EXOC6B: variants seen among roughly 807,000 people sequenced by gnomAD.
EXOC6B encodes SEC15 homolog B.
In EXOC6B, 54 loss-of-function variants were observed where a neutral mutation model predicts 113.5. The ratio of observed to expected loss-of-function variants is 0.48; its 90% CI spans 0.38 to 0.60. The LOEUF (loss-of-function observed/expected upper bound fraction) is 0.60. Among genes scored for constraint, EXOC6B ranks in the 20% least tolerant of loss-of-function variants. The pLI is 0.00. For missense variants in EXOC6B, 797 were observed against 977.5 expected (o/e 0.82, Z 2.46); for synonymous variants, 357 against 339.0 (o/e 1.05, Z -0.58).
intron 20 of EXOC6B, among the ~76,000 whole-genome samples, chr2:72,236,527 T>A (rs745395181): frequency 6.6e-6 from 1 of 152,072 alleles, no homozygotes; most frequent in Non-Finnish European, 1.5e-5. Context: ...ACCAATAAAT[T>A]CAAGTAATTT....
chr2:72,813,111 AC>A (rs1342905395), intron 1 of EXOC6B, among the ~76,000 whole-genome samples: 1 of 152,174 alleles, frequency 6.6e-6, no homozygotes, highest in Non-Finnish European at 1.5e-5. Flanking sequence ...TATTTCAGAG[AC>A]AGGATGCCAC....
intron 18 of EXOC6B, among the ~76,000 whole-genome samples, chr2:72,421,065 C>T (rs972129729): frequency 1.3e-5 from 2 of 152,144 alleles, no homozygotes; most frequent in African/African-American, 4.8e-5. Flanking sequence ...ATATCCTTTG[C>T]CCACTTTTTG....
chr2:72,313,009 C>A (rs543569787), intron 20 of EXOC6B, among the ~76,000 whole-genome samples: 1 of 151,960 alleles, frequency 6.6e-6, no homozygotes, highest in Non-Finnish European at 1.5e-5. Flanking sequence ...TAAATTGATG[C>A]CGATTTCTCA....
intron 16 of EXOC6B, among the ~76,000 whole-genome samples, chr2:72,487,858 C>A (rs1467774160): frequency 6.6e-6 from 1 of 152,174 alleles, no homozygotes; most frequent in Non-Finnish European, 1.5e-5. Flanking sequence ...TAACCTGGAA[C>A]ACTTGAGCAA....
chr2:72,467,874 G>A (rs1405622813), intron 17 of EXOC6B, among the ~76,000 whole-genome samples: 9 of 151,974 alleles, frequency 5.9e-5, no homozygotes, highest in South Asian at 2.1e-4. Context: ...AGGTTCAAGC[G>A]ATTCTCCTGC....
At chr2:72,491,748 C>T (rs1163107460) in intron 16 of EXOC6B, among the ~76,000 whole-genome samples, 1 of 152,130 alleles carries the variant, frequency 6.6e-6, no homozygotes, top group African/African-American at 2.4e-5. Flanking sequence ...TAAACCTCCA[C>T]AGAAATGTGA....
At chr2:72,335,499 T>G (rs1688642082) in intron 19 of EXOC6B, among the ~76,000 whole-genome samples, 1 of 151,176 alleles carries the variant, frequency 6.6e-6, no homozygotes, top group Non-Finnish European at 1.5e-5. Flanking sequence ...TGCTACATCA[T>G]TAATTATTCC....
chr2:72,804,952 C>T (rs1685499533), intron 1 of EXOC6B, among the ~76,000 whole-genome samples: 1 of 152,100 alleles, frequency 6.6e-6, no homozygotes, highest in South Asian at 2.1e-4. Context: ...CATGATTGCC[C>T]TTAGAGATTA....
chr2:72,423,987 G>C (rs1298881850), intron 18 of EXOC6B, among the ~76,000 whole-genome samples: 1 of 152,138 alleles, frequency 6.6e-6, no homozygotes, highest in Non-Finnish European at 1.5e-5. Flanking sequence ...CTGTTGAATT[G>C]CATTTGCTAC....
intron 20 of EXOC6B, among the ~76,000 whole-genome samples, chr2:72,310,850 A>AACACACAC (rs375159478): frequency 8.6e-4 from 104 of 120,346 alleles, no homozygotes; most frequent in Non-Finnish European, 1.2e-3. Context: ...TATTTCATTT[A>AACACACAC]ACACACACAC....
At chr2:72,518,472 G>C (rs1308587323) in intron 8 of EXOC6B, among the ~76,000 whole-genome samples, 2 of 140,394 alleles carry the variant, frequency 1.4e-5, no homozygotes, top group Non-Finnish European at 3.1e-5. Context: ...GAATCCTATG[G>C]ATTAAAGTAG....
chr2:72,763,050 C>G (rs1428484683), intron 1 of EXOC6B, among the ~76,000 whole-genome samples: 1 of 151,490 alleles, frequency 6.6e-6, no homozygotes, highest in Non-Finnish European at 1.5e-5. Context: ...ACAAAAAACA[C>G]TAAGAAGGTA....
intron 20 of EXOC6B, among the ~76,000 whole-genome samples, chr2:72,191,209 T>C (rs917621770): frequency 5.3e-5 from 8 of 152,238 alleles, no homozygotes; most frequent in South Asian, 2.1e-4. Flanking sequence ...CAGGCCACTA[T>C]GATAGGATAC....
intron 1 of EXOC6B, among the ~76,000 whole-genome samples, chr2:72,778,943 G>A (rs1558994802): frequency 1.3e-5 from 2 of 152,130 alleles, no homozygotes; most frequent in African/African-American, 2.4e-5. Flanking sequence ...GTACCTGTCT[G>A]TATGTTAATA....
intron 1 of EXOC6B, among the ~76,000 whole-genome samples, chr2:72,824,269 G>C (rs1024673684): frequency 6.6e-6 from 1 of 151,948 alleles, no homozygotes; most frequent in Non-Finnish European, 1.5e-5. Context: ...CACAGCTGTA[G>C]TCCCAGCTAC....
chr2:72,377,758 G>A (rs1045490166), intron 19 of EXOC6B, among the ~76,000 whole-genome samples: 12 of 152,092 alleles, frequency 7.9e-5, no homozygotes, highest in Non-Finnish European at 1.6e-4. Flanking sequence ...GGAGAAATAC[G>A]TGCAAGAGAT....
chr2:72,745,683 G>A (rs1258482931), intron 1 of EXOC6B, among the ~76,000 whole-genome samples: 1 of 152,052 alleles, frequency 6.6e-6, no homozygotes, highest in Non-Finnish European at 1.5e-5. Context: ...CAAATTTAAA[G>A]ATTTTATTTC....
chr2:72,787,774 G>A (rs757299739), intron 1 of EXOC6B, among the ~76,000 whole-genome samples: 60 of 152,026 alleles, frequency 3.9e-4, no homozygotes, highest in Non-Finnish European at 5.0e-4. Flanking sequence ...CTACAGGCAC[G>A]TGCCACCATG....
At chr2:72,254,812 A>T (rs993788449) in intron 20 of EXOC6B, among the ~76,000 whole-genome samples, 3 of 152,234 alleles carry the variant, frequency 2.0e-5, no homozygotes, top group Non-Finnish European at 4.4e-5. Flanking sequence ...AGTAGAAAGT[A>T]GAGCTTGTAA....
Sources: gnomAD v4.1 joint callset for allele counts (sites outside exome capture counted in the v4.1 genomes callset) on GRCh38, gnomAD v4.1.1 for gene constraint, MANE v1.5 for transcripts, NCBI Gene and HGNC (gene_info 2026-07-23, HGNC 2026-07-21) for gene names.